The following SOS1 variants were observed in gnomAD, a reference collection of about 807,000 sequenced individuals.
The protein encoded by SOS1 is son of sevenless homolog 1.
SOS1 carries 25 observed loss-of-function variants against 157.6 expected under a neutral mutation model. That is an observed-to-expected ratio of 0.16 (90% CI 0.12 to 0.22). The LOEUF (loss-of-function observed/expected upper bound fraction) is 0.22, where lower values mean the gene tolerates loss of function less well. Among genes scored for constraint, SOS1 ranks in the 10% least tolerant of loss-of-function variants. SOS1 has a pLI of 1.00. For synonymous variants in SOS1, 528 were observed against 534.0 expected, an observed-to-expected ratio of 0.99 and a Z score of 0.16; for missense variants, 1,237 against 1,599.1, an observed-to-expected ratio of 0.77 and a Z score of 3.86.
At chr2:39,038,961 AAC>A (rs1386761683) in intron 6 of SOS1, among the ~76,000 whole-genome samples, 2 of 152,076 alleles carry the variant, frequency 1.3e-5, no homozygotes, top group Non-Finnish European at 2.9e-5. Context: ...AGAAAGAGCG[AAC>A]AGTTGTGTCA....
intron 2 of SOS1, among the ~76,000 whole-genome samples, chr2:39,065,207 G>C (rs1192012564): frequency 6.6e-6 from 1 of 152,068 alleles, no homozygotes; most frequent in Non-Finnish European, 1.5e-5. Flanking sequence ...CCGAATCCTA[G>C]TCAATGAGGA....
At chr2:38,999,327 CAT>C (rs1166554118) in intron 17 of SOS1, among the ~76,000 whole-genome samples, 2 of 152,234 alleles carry the variant, frequency 1.3e-5, no homozygotes, top group East Asian at 3.9e-4. Flanking sequence ...TGAGGATAGA[CAT>C]AGGCAAGGGC....
chr2:39,069,022 A>T (rs1005189168), intron 1 of SOS1, among the ~76,000 whole-genome samples: 1 of 151,956 alleles, frequency 6.6e-6, no homozygotes, highest in African/African-American at 2.4e-5. Context: ...AGAGGGTGTG[A>T]CAGCCTCAGT....
chr2:39,033,604 T>C (rs377618128), intron 8 of SOS1, among the ~76,000 whole-genome samples: 138 of 152,274 alleles, frequency 9.1e-4, no homozygotes, highest in African/African-American at 3.1e-3. Flanking sequence ...GGCGTGGTCA[T>C]GGCTCACTGC....
At chr2:39,099,504 A>C (rs904514267) in intron 1 of SOS1, among the ~76,000 whole-genome samples, 1 of 152,240 alleles carries the variant, frequency 6.6e-6, no homozygotes, top group East Asian at 1.9e-4. Flanking sequence ...ATGATTTATA[A>C]TTGATTGTGC....
intron 6 of SOS1, among the ~76,000 whole-genome samples, chr2:39,043,816 A>G (rs1670659927): frequency 6.6e-6 from 1 of 152,178 alleles, no homozygotes; most frequent in Non-Finnish European, 1.5e-5. Flanking sequence ...AATTACCTCC[A>G]CAGGCCCCAC....
At chr2:39,071,726 A>C (rs1271806828) in intron 1 of SOS1, among the ~76,000 whole-genome samples, 1 of 152,206 alleles carries the variant, frequency 6.6e-6, no homozygotes, top group Non-Finnish European at 1.5e-5. Context: ...CTGTTTTTCA[A>C]AGAAACCCAT....
At chr2:38,987,804 T>C in intron 21 of SOS1, 1 of 516,330 alleles carries the variant, frequency 1.9e-6, no homozygotes, top group Non-Finnish European at 3.5e-6. Context: ...AGAAAAAAGC[T>C]GCCTAAGGTA....
chr2:39,070,409 T>C (rs989751083), intron 1 of SOS1, among the ~76,000 whole-genome samples: 1 of 152,162 alleles, frequency 6.6e-6, no homozygotes, highest in Non-Finnish European at 1.5e-5. Context: ...TCCTTATTCC[T>C]TTTCCATGTC....
intron 1 of SOS1, among the ~76,000 whole-genome samples, chr2:39,117,726 A>T (rs1296130880): frequency 6.6e-6 from 1 of 152,214 alleles, no homozygotes; most frequent in Non-Finnish European, 1.5e-5. Flanking sequence ...AAGTTATCAC[A>T]GTAGTCTGAC....
intron 1 of SOS1, among the ~76,000 whole-genome samples, chr2:39,114,679 A>G (rs936447111): frequency 1.3e-5 from 2 of 151,662 alleles, no homozygotes; most frequent in Non-Finnish European, 2.9e-5. Flanking sequence ...ATCTCAGCTC[A>G]CTGAAGCCTC....
At chr2:38,995,632 A>G (rs992751920) in intron 19 of SOS1, among the ~76,000 whole-genome samples, 5 of 152,202 alleles carry the variant, frequency 3.3e-5, no homozygotes, top group African/African-American at 1.2e-4. Context: ...TATAAATACT[A>G]GAGTATTTGT....
intron 20 of SOS1, chr2:38,993,967 A>T (rs1668813718): frequency 6.6e-6 from 1 of 152,230 alleles, no homozygotes; most frequent in Non-Finnish European, 1.5e-5. Flanking sequence ...TTCACATGAA[A>T]TTAATTTAAA....
intron 6 of SOS1, among the ~76,000 whole-genome samples, chr2:39,039,012 C>T (rs1310736651): frequency 2.0e-5 from 3 of 152,038 alleles, no homozygotes. Context: ...GCCAGTCACC[C>T]CAACCTTCAG....
upstream of SOS1, among the ~76,000 whole-genome samples, chr2:39,122,804 A>G (rs1486711697): frequency 6.6e-6 from 1 of 151,856 alleles, no homozygotes; most frequent in Non-Finnish European, 1.5e-5. Context: ...TCGGCCTCCC[A>G]AAATGCTGTG....
At chr2:39,078,973 T>C (rs1189922562) in intron 1 of SOS1, among the ~76,000 whole-genome samples, 2 of 139,610 alleles carry the variant, frequency 1.4e-5, no homozygotes, top group South Asian at 2.2e-4. Context: ...GGCAGGAGAA[T>C]TGCTTGAACC....
intron 1 of SOS1, among the ~76,000 whole-genome samples, chr2:39,099,186 T>C (rs978856015): frequency 7.2e-5 from 11 of 152,190 alleles, no homozygotes; most frequent in Admixed American, 6.5e-5. Flanking sequence ...AGCCAATAGG[T>C]AGAAACAACC....
Position 38,986,190 on chromosome 2 carries a change from G to A in SOS1, c.3636C>T (p.Pro1212=). The A allele has an allele frequency of 1.2e-6, 2 of 1,613,940 alleles. No individual in the cohort carries two copies. The highest frequency in any genetic ancestry group is 1.7e-6 in the Non-Finnish European group (2 of 1,179,918). The change falls in exon 23 of 23, where the codon CCC becomes CCT. Residue 1212 remains proline, a synonymous_variant. Coordinates refer to ENST00000402219, the MANE Select transcript of SOS1 (RefSeq NM_005633.4). ...TCACAGGTTCTCGTGGTGGTAATAA[G>A]GGAGGGCTTTCAGGAGGGTCTGAGA... is the stretch of plus-strand genomic sequence containing the variant. ...TSISDPPESP[P]LLPPREPVRT...
chr2:39,117,323 G>A (rs1052397959), intron 1 of SOS1, among the ~76,000 whole-genome samples: 2 of 152,096 alleles, frequency 1.3e-5, no homozygotes, highest in African/African-American at 4.8e-5. Context: ...CACTGCGCCC[G>A]GCCCTGTCAT....
Sources: gnomAD v4.1 joint callset for allele counts (sites outside exome capture counted in the v4.1 genomes callset) on GRCh38, gnomAD v4.1.1 for gene constraint, MANE v1.5 for transcripts, NCBI Gene and HGNC (gene_info 2026-07-23, HGNC 2026-07-21) for gene names.